Variants in MLPH observed in about 807,000 individuals in gnomAD.
The protein encoded by MLPH is melanophilin, also known as exophilin-3.
MLPH carries 51 observed loss-of-function variants against 72.1 expected under a neutral mutation model. That is an observed-to-expected ratio of 0.71 (90% CI 0.56 to 0.89). MLPH has a LOEUF of 0.89. MLPH is among the 40% of genes least tolerant of loss of function. The pLI is 0.00. For synonymous variants in MLPH, 301 were observed against 310.1 expected, an observed-to-expected ratio of 0.97 and a Z score of 0.31; for missense variants, 743 against 759.9, an observed-to-expected ratio of 0.98 and a Z score of 0.26.
At chr2:237,526,951 C>T (rs951545255) in intron 7 of MLPH, among the ~76,000 whole-genome samples, 5 of 152,148 alleles carry the variant, frequency 3.3e-5, no homozygotes, top group South Asian at 4.2e-4. Context: ...GGGTTAACAA[C>T]GTCTAACTCA....
chr2:237,489,065 C>G (rs756939219), intron 1 of MLPH, among the ~76,000 whole-genome samples: 4 of 152,164 alleles, frequency 2.6e-5, no homozygotes, highest in Non-Finnish European at 4.4e-5. Context: ...GTCCATGGTA[C>G]AGATGGGGAA....
chr2:237,553,081 G>T (rs562976487), intron 15 of MLPH: 1 of 471,112 alleles, frequency 2.1e-6, no homozygotes, highest in African/African-American at 2.0e-5. Flanking sequence ...TGGTTACTTG[G>T]TTATACTCTA....
intron 9 of MLPH, chr2:237,537,871 A>AG (rs2080570895): frequency 6.6e-6 from 1 of 152,250 alleles, no homozygotes; most frequent in Non-Finnish European, 1.5e-5. Flanking sequence ...GAAGGGACCA[A>AG]GGACGGCACT....
intron 6 of MLPH, among the ~76,000 whole-genome samples, chr2:237,523,920 A>C (rs916802223): frequency 3.9e-5 from 6 of 152,130 alleles, no homozygotes; most frequent in African/African-American, 1.4e-4. Flanking sequence ...CGGGTAAGTA[A>C]TATGGTTCGG....
In MLPH at chr2:237,549,208, C is replaced by CT; in HGVS notation, c.1618-12dup. On this transcript the variant is annotated splice_polypyrimidine_tract_variant and intron_variant, in intron 13 of 15. Coordinates refer to ENST00000264605, the MANE Select transcript of MLPH (RefSeq NM_024101.7). The stretch of plus-strand genomic sequence containing the variant: ...CAACTTGATGAAGCCTGGAGACACT[C>CT]TGTTTCTTCTAGGCAATGGCTGTGC... 6.2e-7 allele frequency: 1 copy of CT among 1,612,998 alleles called. No homozygotes were observed. Among genetic ancestry groups the CT allele is most frequent in the South Asian group, 1.1e-5 (1 of 91,054 alleles).
chr2:237,498,533 C>T (rs980240504), intron 2 of MLPH, among the ~76,000 whole-genome samples: 2 of 152,224 alleles, frequency 1.3e-5, no homozygotes, highest in Non-Finnish European at 2.9e-5. Flanking sequence ...CCCCAAGCCA[C>T]GGAAGCTCCT....
Position 237,512,899 on chromosome 2 carries a change from C to G in MLPH, c.445+1798C>G, listed in dbSNP as rs1420764352. 2.6e-5 allele frequency among the ~76,000 whole-genome samples: 4 copies of G among 151,992 alleles called. No homozygotes were observed. Among genetic ancestry groups the G allele is most frequent in the Non-Finnish European group, 4.4e-5 (3 of 67,998 alleles). On this transcript the variant is annotated intron_variant, in intron 4 of 15. Coordinates refer to ENST00000264605, the MANE Select transcript of MLPH (RefSeq NM_024101.7). The surrounding 1 kb of genome is among the most constrained non-coding windows in gnomAD (Gnocchi z 5.5). ...CACACGGCCCACCAGAACCTGCTGA[C>G]TTCAAAATCATCACCACCAAGGGGC...
At chr2:237,534,083 G>A (rs2080481877) in intron 8 of MLPH, among the ~76,000 whole-genome samples, 1 of 152,222 alleles carries the variant, frequency 6.6e-6, no homozygotes. Flanking sequence ...CTCAAGGGAT[G>A]AGGAAGTTGT....
rs115144647 is a variant in MLPH at position 237,554,474 on chromosome 2, T to C, written c.*882T>C. ...GCTTGCCACTCGCCCATTGGTTACATAGATGATCTCTCAGACAGGCTGGGA... is the reference window on the plus strand; with the variant it reads ...GCTTGCCACTCGCCCATTGGTTACACAGATGATCTCTCAGACAGGCTGGGA... On this transcript the variant is annotated 3_prime_UTR_variant, in exon 16 of 16. Transcript: ENST00000264605. 335 of 154,368 alleles carry C rather than the reference T, an allele frequency of 2.2e-3. 5 individuals carry two copies. Among genetic ancestry groups the C allele is most frequent in the African/African-American group, 6.8e-3 (282 of 41,562 alleles). 9.6% of individuals were successfully genotyped at this position (154,368 alleles called of 1,614,324 possible). A position where few individuals can be genotyped will look rare whatever the true frequency, so the allele number is the denominator to read the frequency against.
At chr2:237,513,188 C>T (rs1222414616) in intron 4 of MLPH, among the ~76,000 whole-genome samples, 2 of 152,066 alleles carry the variant, frequency 1.3e-5, no homozygotes, top group Non-Finnish European at 2.9e-5. Context: ...CAGACCTTGT[C>T]CAGCTAGTAA....
intron 4 of MLPH, 107 bp from the exon 5 acceptor site, chr2:237,518,432 G>T: frequency 1.2e-6 from 1 of 864,312 alleles, no homozygotes; most frequent in Non-Finnish European, 1.9e-6. Context: ...AGGGAGGGAT[G>T]GGCAGGTAGA....
At chr2:237,492,041 T>A (rs2079438429) in intron 1 of MLPH, among the ~76,000 whole-genome samples, 1 of 152,186 alleles carries the variant, frequency 6.6e-6, no homozygotes, top group Non-Finnish European at 1.5e-5. Context: ...CAAAGGCAGA[T>A]TCTGAATGAG....
At chr2:237,518,258 C>T (rs1460241632) in intron 4 of MLPH, 2 of 529,268 alleles carry the variant, frequency 3.8e-6, no homozygotes, top group Admixed American at 2.4e-5. Flanking sequence ...TGGATTGATG[C>T]ATGGATGGAT....
At chr2:237,520,902 T>G (rs1355899890) in intron 6 of MLPH, among the ~76,000 whole-genome samples, 1 of 152,214 alleles carries the variant, frequency 6.6e-6, no homozygotes, top group African/African-American at 2.4e-5. Context: ...TGTGGCTGAA[T>G]AAAATCCTAG....
rs1366451645 is a variant in MLPH at position 237,546,720 on chromosome 2, A to G, written c.1617+37A>G. The G allele has an allele frequency of 1.9e-6, 3 of 1,573,170 alleles. No individual in the cohort carries two copies. In the East Asian group the frequency reaches 6.7e-5, roughly 35 times the overall value. On this transcript the variant is annotated intron_variant, in intron 13 of 15. Transcript: ENST00000264605. ...TCCATTCAAGCCCCAGACACCCGAC[A>G]AAGGTGGAAGACTGCACCCCTTTCC... is the stretch of plus-strand genomic sequence containing the variant.
chr2:237,540,712 GA>G, intron 10 of MLPH, 89 bp from the exon 11 acceptor site: 1 of 1,555,188 alleles, frequency 6.4e-7, no homozygotes, highest in Non-Finnish European at 8.7e-7. Context: ...AGGGTTCAGA[GA>G]GGAGAGCAAT....
chr2:237,538,433 G>T (rs1302895213), intron 9 of MLPH, among the ~76,000 whole-genome samples: 1 of 152,222 alleles, frequency 6.6e-6, no homozygotes, highest in Non-Finnish European at 1.5e-5. Context: ...GGGTGACAAG[G>T]TCACGGGAGG....
rs1406517367 is a variant in MLPH at position 237,553,569 on chromosome 2, C to A, written c.1780C>A (p.Pro594Thr). The change falls in exon 16 of 16, where the codon CCT becomes ACT. Residue 594 changes from proline to threonine, a missense_variant. Coordinates refer to ENST00000264605, the MANE Select transcript of MLPH (RefSeq NM_024101.7). ...KGMASHTFAK[P>T]VVAHQS ...CATGTGTGTTTGTACTTTACAGAAA[C>A]CTGTGGTGGCCCACCAGTCCTAACG... The A allele has an allele frequency of 6.2e-7, 1 of 1,614,154 alleles. No homozygotes were observed. The highest frequency in any genetic ancestry group is 8.5e-7 in the Non-Finnish European group (1 of 1,180,034).
intron 2 of MLPH, among the ~76,000 whole-genome samples, chr2:237,509,242 A>C (rs1011830907): frequency 6.6e-6 from 1 of 152,228 alleles, no homozygotes; most frequent in Non-Finnish European, 1.5e-5. Flanking sequence ...TCTGAAATAT[A>C]TCAGCCTCCA....
Sources: allele counts gnomAD v4.1 joint callset (sites outside exome capture counted in the v4.1 genomes callset), GRCh38; gene constraint gnomAD v4.1.1; non-coding constraint Gnocchi (gnomAD v3.1); transcripts MANE v1.5; gene names NCBI Gene and HGNC (gene_info 2026-07-23, HGNC 2026-07-21).